MACROD1: variants seen among roughly 807,000 people sequenced by gnomAD.
MACROD1 encodes the protein ADP-ribose glycohydrolase MACROD1.
MACROD1 carries 31 observed loss-of-function variants against 41.4 expected under a neutral mutation model. The ratio of observed to expected loss-of-function variants is 0.75; its 90% CI spans 0.56 to 1.01. MACROD1 has a LOEUF of 1.01. Among genes scored for constraint, MACROD1 ranks in the 50% least tolerant of loss-of-function variants. The pLI, the probability that MACROD1 is intolerant of heterozygous loss-of-function variation, is 0.00. For missense variants in MACROD1, 473 were observed against 460.0 expected, an observed-to-expected ratio of 1.03 and a Z score of -0.26; for synonymous variants, 252 against 203.4, an observed-to-expected ratio of 1.24 and a Z score of -2.03.
At chr11:64,118,030 G>C (rs1945025028) in intron 3 of MACROD1, 1 of 1,613,588 alleles carries the variant, frequency 6.2e-7, no homozygotes, top group Non-Finnish European at 8.5e-7. Context: ...ACCCGGGAGA[G>C]GGCCTACAAC....
intron 4 of MACROD1, among the ~76,000 whole-genome samples, chr11:64,000,877 G>A (rs1049596467): frequency 2.6e-5 from 4 of 152,180 alleles, no homozygotes; most frequent in African/African-American, 9.7e-5. Context: ...TTGCGGATGA[G>A]GAAACCGAGG....
At chr11:64,027,081 C>T (rs952193484) in intron 3 of MACROD1, among the ~76,000 whole-genome samples, 2 of 152,258 alleles carry the variant, frequency 1.3e-5, no homozygotes, top group African/African-American at 2.4e-5. Flanking sequence ...CCGGCATGGC[C>T]TGGCACCTAA....
At chr11:64,123,599 G>A (rs953062874) in intron 3 of MACROD1, among the ~76,000 whole-genome samples, 1 of 152,072 alleles carries the variant, frequency 6.6e-6, no homozygotes, top group African/African-American at 2.4e-5. Flanking sequence ...GGGGAGCCAG[G>A]GTCTCTGAAG....
At chr11:64,035,933 A>T (rs1376716167) in intron 3 of MACROD1, 1 of 139,732 alleles carries the variant, frequency 7.2e-6, no homozygotes, top group African/African-American at 2.6e-5. Flanking sequence ...CACCCCCCGC[A>T]CTCCTCCCGC....
chr11:64,094,203 C>T (rs553219760), intron 3 of MACROD1, among the ~76,000 whole-genome samples: 6 of 152,238 alleles, frequency 3.9e-5, no homozygotes, highest in South Asian at 2.1e-4. Flanking sequence ...GAGGCCAAAG[C>T]GGGTGGAGCA....
At chr11:64,056,535 G>T (rs1171294164) in intron 3 of MACROD1, among the ~76,000 whole-genome samples, 1 of 152,224 alleles carries the variant, frequency 6.6e-6, no homozygotes, top group Non-Finnish European at 1.5e-5. Flanking sequence ...CCATCTGTAG[G>T]CAACAGCCGG....
At chr11:64,150,745 C>T (rs1945562549) in intron 3 of MACROD1, among the ~76,000 whole-genome samples, 1 of 152,206 alleles carries the variant, frequency 6.6e-6, no homozygotes, top group South Asian at 2.1e-4. Flanking sequence ...CAGCAAGAGG[C>T]GAGCGCAGGA....
At chr11:64,104,567 G>T (rs111390900) in intron 3 of MACROD1, among the ~76,000 whole-genome samples, 5 of 152,258 alleles carry the variant, frequency 3.3e-5, no homozygotes, top group African/African-American at 4.8e-5. Context: ...GTGGTGGGCA[G>T]GAGCTCTGGT....
intron 3 of MACROD1, among the ~76,000 whole-genome samples, chr11:64,091,305 G>A (rs1362393042): frequency 1.3e-5 from 2 of 152,096 alleles, no homozygotes; most frequent in African/African-American, 2.4e-5. Context: ...CATCACTCAC[G>A]TAGCTGATTT....
rs541769594 is a variant in MACROD1, at chr11:64,063,358, G to A, written c.518-48077C>T. On this transcript the variant is annotated intron_variant, in intron 3 of 10. Coordinates refer to ENST00000255681, the MANE Select transcript of MACROD1 (RefSeq NM_014067.4). ...CTGGGTGCAGGGAGGTGCCACACACGTGTCAACTGAAAATCCAGCAGAGAC... is the reference window on the plus strand; with the variant it reads ...CTGGGTGCAGGGAGGTGCCACACACATGTCAACTGAAAATCCAGCAGAGAC... Among the ~76,000 whole-genome samples the A allele has an allele frequency of 1.2e-4, 18 of 152,270 alleles. No homozygotes were observed. The South Asian group carries it at 2.3e-3, about 19-fold the overall frequency.
Position 64,102,235 on chromosome 11 carries a change from G to A in MACROD1, c.517+49004C>T, listed in dbSNP as rs185678444. Among the ~76,000 whole-genome samples the A allele has an allele frequency of 1.9e-4, 29 of 152,310 alleles. 1 individual carries two copies. The East Asian group carries it at 4.8e-3, about 25-fold the overall frequency. On this transcript the variant is annotated intron_variant, in intron 3 of 10. Coordinates refer to ENST00000255681, the MANE Select transcript of MACROD1 (RefSeq NM_014067.4). ...GGGAATACAGACACCAGGGCGCCGC[G>A]GCCCTTCCACATGCCGCACTAATGA...
chr11:64,133,110 C>G (rs1164330766), intron 3 of MACROD1, among the ~76,000 whole-genome samples: 2 of 152,186 alleles, frequency 1.3e-5, no homozygotes, highest in East Asian at 3.9e-4. Flanking sequence ...AGACCTCCCA[C>G]AGGAAGCCGT....
chr11:64,119,438 G>A (rs905635676), intron 3 of MACROD1, among the ~76,000 whole-genome samples: 2 of 152,130 alleles, frequency 1.3e-5, no homozygotes, highest in African/African-American at 4.8e-5. Flanking sequence ...CCCACCACGT[G>A]CAATCACCTT....
chr11:64,001,112 TAAAC>T lies in MACROD1; in HGVS notation c.548-773_548-770del. 3 of 356,040 alleles carry T rather than the reference TAAAC, an allele frequency of 8.4e-6. No individual in the cohort carries two copies. In the East Asian group the frequency reaches 1.6e-4, roughly 19 times the overall value. 22.1% of individuals were successfully genotyped at this position (356,040 alleles called of 1,614,324 possible). A position where few individuals can be genotyped will look rare whatever the true frequency, so the allele number is the denominator to read the frequency against. ...GCGACCCTGGGGACCCGGGCGCAGA[TAAAC>T]AACCGGGGCGCAGCGGGAGGCATGG... On this transcript the variant is annotated intron_variant, in intron 4 of 10. Coordinates refer to ENST00000255681, the MANE Select transcript of MACROD1 (RefSeq NM_014067.4).
intron 3 of MACROD1, among the ~76,000 whole-genome samples, chr11:64,041,237 C>T (rs1408446158): frequency 1.7e-5 from 2 of 115,520 alleles, no homozygotes; most frequent in African/African-American, 7.6e-5. Context: ...AAAGCATGAG[C>T]GAGAGAGGAA....
chr11:63,998,624 G>A lies in MACROD1; in HGVS notation c.*94C>T. On this transcript the variant is annotated 3_prime_UTR_variant, in exon 11 of 11. Transcript: ENST00000255681. ...GCGGAGGGAAAGAAGGGGTGGCCAG[G>A]CCCAGGCCAGGCTGCAGGCTTTGGC... The A allele has an allele frequency of 7.7e-7, 1 of 1,301,196 alleles. No individual in the cohort carries two copies. Among genetic ancestry groups the A allele is most frequent in the Non-Finnish European group, 9.7e-7 (1 of 1,027,808 alleles). 80.6% of individuals were successfully genotyped at this position (1,301,196 alleles called of 1,614,324 possible).
At chr11:64,054,712 C>G (rs1467481921) in intron 3 of MACROD1, among the ~76,000 whole-genome samples, 1 of 152,246 alleles carries the variant, frequency 6.6e-6, no homozygotes, top group East Asian at 1.9e-4. Context: ...TATCTTGCTC[C>G]CAAATCAACA....
chr11:64,149,849 C>T (rs541126518), intron 3 of MACROD1, among the ~76,000 whole-genome samples: 58 of 152,332 alleles, frequency 3.8e-4, no homozygotes, highest in African/African-American at 1.3e-3. Context: ...TCCCCTAGGC[C>T]GCTGTAATGT....
chr11:64,005,754 G>T (rs533826078), intron 4 of MACROD1, among the ~76,000 whole-genome samples: 1 of 152,358 alleles, frequency 6.6e-6, no homozygotes, highest in East Asian at 1.9e-4. Flanking sequence ...GCTTTTGGGG[G>T]CCTTGTACCC....
Sources: allele counts gnomAD v4.1 joint callset (sites outside exome capture counted in the v4.1 genomes callset), GRCh38; gene constraint gnomAD v4.1.1; transcripts MANE v1.5; gene names NCBI Gene and HGNC (gene_info 2026-07-23, HGNC 2026-07-21).